The following TRIO variants were observed in gnomAD, a reference collection of about 807,000 sequenced individuals.
TRIO encodes triple functional domain protein.
In TRIO, 58 loss-of-function variants were observed where a neutral mutation model predicts 351.9. The observed-to-expected ratio is 0.16, with a 90% CI of 0.13 to 0.21. The LOEUF is 0.21. TRIO is among the 10% of genes least tolerant of loss of function. The probability of loss-of-function intolerance (pLI) is 1.00; values close to 1 mark genes in which losing one functional copy is unlikely to be tolerated. For missense variants in TRIO, 3,201 were observed against 4,027.8 expected (o/e 0.79, Z 5.56); for synonymous variants, 1,758 against 1,595.7 (o/e 1.10, Z -2.42).
rs76716638 is a variant in TRIO, at chr5:14,501,356, C to T, written c.8333-1223C>T. On this transcript the variant is annotated intron_variant, in intron 53 of 56. Transcript: ENST00000344204. ...CGTAGCCTTTGGTTTAAGTGATTGA[C>T]GTGAAATTATTGCTTCTCGTGTGTC... 4.2e-3 allele frequency among the ~76,000 whole-genome samples: 639 copies of T among 152,306 alleles called. 6 individuals are homozygous for T. The highest frequency in any genetic ancestry group is 0.015 in the African/African-American group (620 of 41,568).
chr5:14,284,736 G>A (rs1736296357), intron 3 of TRIO, among the ~76,000 whole-genome samples: 1 of 152,220 alleles, frequency 6.6e-6, no homozygotes, highest in Non-Finnish European at 1.5e-5. Flanking sequence ...TTGATATGGT[G>A]AAGACTGATG....
intron 36 of TRIO, among the ~76,000 whole-genome samples, chr5:14,465,010 T>C (rs1225615458): frequency 6.6e-6 from 1 of 152,184 alleles, no homozygotes; most frequent in African/African-American, 2.4e-5. Context: ...ATGGTGAGCT[T>C]GTCCCCCTCC....
At chr5:14,197,966 T>C (rs576282338) in intron 1 of TRIO, among the ~76,000 whole-genome samples, 5 of 152,304 alleles carry the variant, frequency 3.3e-5, no homozygotes, top group African/African-American at 1.2e-4. Flanking sequence ...GAAGACACTA[T>C]TCTCTAAGTC....
chr5:14,217,932 G>C (rs777011803), intron 1 of TRIO, among the ~76,000 whole-genome samples: 4 of 152,176 alleles, frequency 2.6e-5, no homozygotes, highest in Non-Finnish European at 5.9e-5. Flanking sequence ...AATAGTAAAA[G>C]AATAACATAC....
rs975408586 is a variant in TRIO at position 14,457,220 on chromosome 5, A to G, written c.5204-3799A>G. On this transcript the variant is annotated intron_variant, in intron 34 of 56. Coordinates refer to ENST00000344204, the MANE Select transcript of TRIO (RefSeq NM_007118.4). ...CTGCTAACATTTTTCTAAGTCATAA[A>G]TATTCCGGCAAAATGAAAGAATGTC... Among the ~76,000 whole-genome samples the G allele has an allele frequency of 2.0e-5, 3 of 152,306 alleles. 1 individual carries two copies. The South Asian group carries it at 6.2e-4, about 32-fold the overall frequency.
At chr5:14,454,761 C>T (rs1220238325) in intron 34 of TRIO, among the ~76,000 whole-genome samples, 1 of 152,178 alleles carries the variant, frequency 6.6e-6, no homozygotes, top group East Asian at 1.9e-4. Context: ...ATGTTGTGTC[C>T]GAAATTGTTG....
intron 33 of TRIO, among the ~76,000 whole-genome samples, chr5:14,413,924 T>C (rs1456687465): frequency 6.6e-6 from 1 of 152,194 alleles, no homozygotes; most frequent in Non-Finnish European, 1.5e-5. Context: ...AGTCAGCTAG[T>C]TAACATAAGC....
intron 1 of TRIO, among the ~76,000 whole-genome samples, chr5:14,194,000 A>C (rs1395559752): frequency 6.6e-6 from 1 of 152,190 alleles, no homozygotes; most frequent in Non-Finnish European, 1.5e-5. Flanking sequence ...ATTCTCAGCA[A>C]GGAAGCTCAT....
chr5:14,368,664 G>A, intron 16 of TRIO, 44 bp from the exon 17 acceptor site: 1 of 1,580,376 alleles, frequency 6.3e-7, no homozygotes, highest in South Asian at 1.1e-5. Context: ...CTAGTCAGTG[G>A]GGACACTGAC....
Position 14,168,365 on chromosome 5 carries a change from C to T in TRIO, c.157+24483C>T, listed in dbSNP as rs190456073. 5.5e-3 allele frequency among the ~76,000 whole-genome samples: 843 copies of T among 152,356 alleles called. 2 individuals are homozygous for T. The highest frequency in any genetic ancestry group is 0.014 in the Middle Eastern group (4 of 294). On this transcript the variant is annotated intron_variant, in intron 1 of 56. Coordinates refer to ENST00000344204, the MANE Select transcript of TRIO (RefSeq NM_007118.4). The stretch of plus-strand genomic sequence containing the variant: ...CCTGAAATCCCCCAAATAGGGAGGT[C>T]CCACGTAGGTGAACTAAATAGGCTC...
At chr5:14,364,480 C>A (rs983028309) in intron 14 of TRIO, among the ~76,000 whole-genome samples, 170 bp from the exon 15 acceptor site, 1 of 152,214 alleles carries the variant, frequency 6.6e-6, no homozygotes. Context: ...GATTGATTGC[C>A]TATACATCCT....
In TRIO at chr5:14,290,732, T is replaced by C. The variant is rs1321666936; in HGVS notation, c.557T>C (p.Leu186Ser). The stretch of plus-strand genomic sequence containing the variant: ...TCCCTTAAGACAAATATGGTCTCTT[T>C]AGAAGGCCTTACCAAAGTAGTTGAT... Reference protein sequence around the residue: ...KFEFETNMVSLEGLTKVVDPS... With the variant: ...KFEFETNMVSSEGLTKVVDPS... The change falls in exon 5 of 57, where the codon TTA (leucine) becomes TCA (serine). Residue 186 changes from leucine (L) to serine (S), a missense_variant. Physicochemically the swap from Leu to Ser is moderately radical, Grantham distance 145 (BLOSUM62 -2). Coordinates refer to ENST00000344204, the MANE Select transcript of TRIO (RefSeq NM_007118.4). 2 of 1,612,412 alleles carry C rather than the reference T, an allele frequency of 1.2e-6. No individual in the cohort carries two copies. The highest frequency in any genetic ancestry group is 2.2e-5 in the East Asian group (1 of 44,864).
intron 16 of TRIO, among the ~76,000 whole-genome samples, chr5:14,367,904 T>A (rs895163025): frequency 2.0e-5 from 3 of 152,300 alleles, no homozygotes; most frequent in Admixed American, 6.5e-5. Flanking sequence ...AGGTAATAAA[T>A]CACTGTGTCT....
chr5:14,296,239 A>G (rs1199891460), intron 6 of TRIO, among the ~76,000 whole-genome samples: 1 of 152,166 alleles, frequency 6.6e-6, no homozygotes. Context: ...CATGGGAAGG[A>G]GTGATGTGGT....
intron 1 of TRIO, among the ~76,000 whole-genome samples, chr5:14,216,903 G>A (rs1792261536): frequency 6.6e-6 from 1 of 152,186 alleles, no homozygotes; most frequent in African/African-American, 2.4e-5. Context: ...CGTTAGGAAG[G>A]GGAGCTGACA....
chr5:14,221,074 A>G (rs1367660032), intron 1 of TRIO, among the ~76,000 whole-genome samples: 3 of 152,230 alleles, frequency 2.0e-5, no homozygotes, highest in Admixed American at 1.3e-4. Context: ...CTCATTGACC[A>G]TTCTGAAATT....
chr5:14,397,159 AG>A lies in TRIO; in HGVS notation c.4423+7del, dbSNP rs1747671320. The A allele has an allele frequency of 6.3e-7, 1 of 1,597,352 alleles. No individual in the cohort carries two copies. The highest frequency in any genetic ancestry group is 8.5e-7 in the Non-Finnish European group (1 of 1,172,068). ...TGCACCTCAGCATGCTGGAAGGTAA[AG>A]GACCCTCCATACCCCAGTGTGCATC... On this transcript the variant is annotated splice_donor_region_variant and intron_variant, in intron 29 of 56. Transcript: ENST00000344204.
At chr5:14,160,453 T>A (rs1375165253) in intron 1 of TRIO, among the ~76,000 whole-genome samples, 1 of 152,188 alleles carries the variant, frequency 6.6e-6, no homozygotes, top group Admixed American at 6.5e-5. Flanking sequence ...GAGCTGTTTA[T>A]CCCTTGAGTA....
chr5:14,217,480 A>G (rs2152203164), intron 1 of TRIO, among the ~76,000 whole-genome samples: 1 of 152,286 alleles, frequency 6.6e-6, no homozygotes, highest in Middle Eastern at 3.4e-3. Flanking sequence ...CCCAGGTATG[A>G]AGTATACAGA....
Sources: gnomAD v4.1 joint callset for allele counts (sites outside exome capture counted in the v4.1 genomes callset) on GRCh38, gnomAD v4.1.1 for gene constraint, MANE v1.5 for transcripts, NCBI Gene and HGNC (gene_info 2026-07-23, HGNC 2026-07-21) for gene names.